KMO: variants seen among roughly 807,000 people sequenced by gnomAD.
The protein encoded by KMO is kynurenine 3-monooxygenase.
In KMO, 24 loss-of-function variants were observed where a neutral mutation model predicts 57.8. The observed-to-expected ratio is 0.42, with a 90% CI of 0.30 to 0.58. The LOEUF (loss-of-function observed/expected upper bound fraction) is 0.58, where lower values mean the gene tolerates loss of function less well. Among genes scored for constraint, KMO ranks in the 20% least tolerant of loss-of-function variants. The pLI is 0.22. For synonymous variants in KMO, 210 were observed against 193.6 expected (o/e 1.08, Z -0.70); for missense variants, 483 against 588.2 (o/e 0.82, Z 1.85).
chr1:241,554,906 T>C (rs113933268), intron 4 of KMO, among the ~76,000 whole-genome samples: 7,728 of 150,952 alleles, frequency 0.051, 577 homozygotes, highest in African/African-American at 0.16. Flanking sequence ...CACTTGAACC[T>C]GGAAGGTGGA....
At chr1:241,571,162 T>C (rs1662264518) in intron 10 of KMO, among the ~76,000 whole-genome samples, 1 of 147,198 alleles carries the variant, frequency 6.8e-6, no homozygotes, top group South Asian at 2.2e-4. Context: ...GTTTATCAGT[T>C]CTAATAGTGT....
chr1:241,534,781 A>C (rs1444819071), intron 1 of KMO, among the ~76,000 whole-genome samples: 1 of 152,218 alleles, frequency 6.6e-6, no homozygotes, highest in African/African-American at 2.4e-5. Context: ...CTTCTAAAAC[A>C]TGAGTCTGAT....
At position 241,532,492 on chromosome 1, in the gene KMO, T is replaced by C. The variant is rs3819976; in HGVS notation, c.48T>C (p.Gly16=). Residue 16 remains glycine, a synonymous_variant, in exon 1 of 15, where the codon GGT becomes GGC. Transcript: ENST00000366559. ...GGAAAAAAGTAGCTGTCATTGGTGG[T>C]GGCTTGGTAAGAATTTTCAGATGGA... is the stretch of plus-strand genomic sequence containing the variant. ...IQRKKVAVIG[G]GLVGSLQACF... 0.041 allele frequency: 65,653 copies of C among 1,606,962 alleles called. 2,841 individuals are homozygous for C. Among genetic ancestry groups the C allele is most frequent in the African/African-American group, 0.17 (13,006 of 74,582 alleles).
At chr1:241,536,790 AT>A (rs1301343065) in intron 1 of KMO, among the ~76,000 whole-genome samples, 1 of 151,966 alleles carries the variant, frequency 6.6e-6, no homozygotes, top group Non-Finnish European at 1.5e-5. Flanking sequence ...GGGTGAGGAG[AT>A]TTGTACGTAT....
chr1:241,534,472 G>C (rs1027764063), intron 1 of KMO, among the ~76,000 whole-genome samples: 1 of 152,200 alleles, frequency 6.6e-6, no homozygotes, highest in Admixed American at 6.5e-5. Flanking sequence ...TTGCGTATTA[G>C]GGAGCAACTA....
chr1:241,584,776 T>C (rs1203025713), intron 10 of KMO, among the ~76,000 whole-genome samples: 2 of 152,210 alleles, frequency 1.3e-5, no homozygotes, highest in Admixed American at 1.3e-4. Context: ...GTAAACATAT[T>C]GTTTTATAAA....
chr1:241,572,499 G>T (rs1386687449), intron 10 of KMO, among the ~76,000 whole-genome samples: 1 of 151,374 alleles, frequency 6.6e-6, no homozygotes, highest in Non-Finnish European at 1.5e-5. Flanking sequence ...TGTTGATTTT[G>T]TTTATTTTTT....
intron 4 of KMO, among the ~76,000 whole-genome samples, chr1:241,554,302 A>G (rs747430658): frequency 1.5e-5 from 2 of 130,216 alleles, no homozygotes; most frequent in Non-Finnish European, 3.2e-5. Flanking sequence ...TTCTTTCTAG[A>G]CAGAGTCTCA....
At chr1:241,538,928 G>C (rs1660848422) in intron 1 of KMO, among the ~76,000 whole-genome samples, 1 of 152,100 alleles carries the variant, frequency 6.6e-6, no homozygotes, top group Non-Finnish European at 1.5e-5. Context: ...AATACTCTCA[G>C]ATTATTTCCC....
At chr1:241,538,242 G>T (rs1374578030) in intron 1 of KMO, among the ~76,000 whole-genome samples, 1 of 152,092 alleles carries the variant, frequency 6.6e-6, no homozygotes, top group Non-Finnish European at 1.5e-5. Context: ...GGGCATTTGT[G>T]CAGGCCCAGT....
chr1:241,554,509 A>G (rs1206786029), intron 4 of KMO, among the ~76,000 whole-genome samples: 5 of 151,940 alleles, frequency 3.3e-5, no homozygotes, highest in East Asian at 3.9e-4. Flanking sequence ...CCTGACCTCA[A>G]GTGATCAGCT....
intron 10 of KMO, among the ~76,000 whole-genome samples, chr1:241,569,549 A>G (rs1263119240): frequency 6.6e-6 from 1 of 152,120 alleles, no homozygotes; most frequent in East Asian, 1.9e-4. Context: ...TTCCTTATCC[A>G]TTCATCCATT....
intron 5 of KMO, chr1:241,555,866 G>A (rs187753396): frequency 1.0e-4 from 40 of 392,774 alleles, no homozygotes; most frequent in African/African-American, 7.8e-4. Flanking sequence ...GGCCAGGATC[G>A]CTTGAGTCCA....
rs76516540 is a variant in KMO at position 241,589,256 on chromosome 1, T to TA, written c.1098+435dup. 9.5e-3 allele frequency among the ~76,000 whole-genome samples: 1,423 copies of TA among 150,478 alleles called. 19 individuals are homozygous for TA. The highest frequency in any genetic ancestry group is 0.032 in the African/African-American group (1,335 of 41,098). ...GATTATCCTTTGGAAACTTATGCAC[T>TA]AAAAAAAAATGCATAATACCAAAAA... On this transcript the variant is annotated intron_variant, in intron 12 of 14. Transcript: ENST00000366559.
chr1:241,545,880 C>T (rs879546335), intron 1 of KMO, among the ~76,000 whole-genome samples: 12 of 152,084 alleles, frequency 7.9e-5, no homozygotes, highest in African/African-American at 1.2e-4. Flanking sequence ...ATATAATACA[C>T]GCTAAACCCC....
intron 14 of KMO, among the ~76,000 whole-genome samples, chr1:241,591,681 T>G (rs1207482916): frequency 2.0e-5 from 3 of 152,206 alleles, no homozygotes; most frequent in Admixed American, 1.3e-4. Context: ...CAAAGGTTTT[T>G]TAATGGCTGG....
At chr1:241,547,435 A>G (rs1365937113) in intron 1 of KMO, among the ~76,000 whole-genome samples, 3 of 152,078 alleles carry the variant, frequency 2.0e-5, no homozygotes, top group Non-Finnish European at 2.9e-5. Context: ...AAGAAAAAGA[A>G]AGAAAAGAAA....
At position 241,591,857 on chromosome 1, in the gene KMO, G is replaced by A. The variant is rs1027591463; in HGVS notation, c.1261-96G>A. On this transcript the variant is annotated intron_variant, in intron 14 of 14. Coordinates refer to ENST00000366559, the MANE Select transcript of KMO (RefSeq NM_003679.5). ...TTGTTGTTTCAGGTTAAAGAACAAA[G>A]AGGACATTGTTTACCCCTTTGTTGT... The A allele has an allele frequency of 1.1e-5, 10 of 903,618 alleles. No individual in the cohort carries two copies. The African/African-American group carries it at 1.5e-4, about 13-fold the overall frequency. The allele number at this position is 903,618 out of a possible 1,614,324, so 56.0% of individuals were successfully genotyped here. A position where few individuals can be genotyped will look rare whatever the true frequency, so the allele number is the denominator to read the frequency against.
chr1:241,552,953 A>G (rs963700336), intron 4 of KMO, among the ~76,000 whole-genome samples: 1 of 152,078 alleles, frequency 6.6e-6, no homozygotes, highest in African/African-American at 2.4e-5. Flanking sequence ...TCCTAACCTA[A>G]CCTCTTATGC....
Sources: allele counts gnomAD v4.1 joint callset (sites outside exome capture counted in the v4.1 genomes callset), GRCh38; gene constraint gnomAD v4.1.1; transcripts MANE v1.5; gene names NCBI Gene and HGNC (gene_info 2026-07-23, HGNC 2026-07-21).